EPHA4: variants seen among roughly 807,000 people sequenced by gnomAD.
The protein encoded by EPHA4 is ephrin type-A receptor 4.
A neutral mutation model predicts 108.3 loss-of-function variants in EPHA4; 19 were observed. The ratio of observed to expected loss-of-function variants is 0.18; its 90% confidence interval spans 0.12 to 0.26. EPHA4 has a LOEUF of 0.26. Ranked by LOEUF, EPHA4 falls within the 10% of genes least tolerant of loss-of-function variation. The pLI, the probability that EPHA4 is intolerant of heterozygous loss-of-function variation, is 1.00. For synonymous variants in EPHA4, 449 were observed against 455.5 expected, an observed-to-expected ratio of 0.99 and a Z score of 0.18; for missense variants, 917 against 1,254.0, an observed-to-expected ratio of 0.73 and a Z score of 4.06.
intron 5 of EPHA4, among the ~76,000 whole-genome samples, chr2:221,475,226 T>C (rs919620064): frequency 3.9e-5 from 6 of 152,142 alleles, no homozygotes; most frequent in African/African-American, 1.4e-4. Context: ...ACCTAGGCAA[T>C]AGTGTGAAGA....
chr2:221,502,301 A>G (rs1692510033), intron 3 of EPHA4, among the ~76,000 whole-genome samples: 1 of 152,162 alleles, frequency 6.6e-6, no homozygotes, highest in African/African-American at 2.4e-5. Context: ...CACAGAGACA[A>G]GGCCATTAAG....
intron 3 of EPHA4, among the ~76,000 whole-genome samples, chr2:221,527,009 C>T (rs1251469664): frequency 6.6e-6 from 1 of 151,072 alleles, no homozygotes; most frequent in African/African-American, 2.4e-5. Flanking sequence ...CACCTGTAGT[C>T]CCAGCTACTC....
intron 4 of EPHA4, among the ~76,000 whole-genome samples, chr2:221,486,203 T>A (rs1337706771): frequency 6.6e-6 from 1 of 152,194 alleles, no homozygotes; most frequent in African/African-American, 2.4e-5. Context: ...ACTGAGTACA[T>A]ACACCCATCG....
chr2:221,554,786 G>A (rs914351874), intron 3 of EPHA4, among the ~76,000 whole-genome samples: 2 of 152,152 alleles, frequency 1.3e-5, no homozygotes, highest in South Asian at 4.2e-4. Context: ...AATCCCAGTG[G>A]TGATTTGTAC....
rs758898289 is a variant in EPHA4 at position 221,563,784 on chromosome 2, A to G, written c.770T>C (p.Ile257Thr). Residue 257 changes from isoleucine (I) to threonine (T), a missense_variant, in exon 3 of 18, where the codon ATT (isoleucine) becomes ACT (threonine). Physicochemically the swap from Ile to Thr is moderately conservative, Grantham distance 89 (BLOSUM62 -1). This residue lies in a region of EPHA4 where 758 missense variants were observed against 1,076.7 expected (regional missense o/e 0.70). Transcript: ENST00000281821. ...CGADGEWLVP[I>T]GNCLCNAGHE... The stretch of plus-strand genomic sequence containing the variant: ...CCCAGCGTTGCATAGGCAGTTGCCA[A>G]TGGGTACCAGCCATTCACCATCTGC... 8 of 1,614,214 alleles carry G rather than the reference A, an allele frequency of 5.0e-6. No individual in the cohort carries two copies. The highest frequency in any genetic ancestry group is 1.7e-4 in the Middle Eastern group (1 of 6,060).
At chr2:221,496,629 C>T (rs539616482) in intron 4 of EPHA4, among the ~76,000 whole-genome samples, 4 of 152,234 alleles carry the variant, frequency 2.6e-5, no homozygotes, top group Admixed American at 2.0e-4. Context: ...TTCTGTTGGC[C>T]GGGTGTGGTG....
Position 221,483,500 on chromosome 2 carries a change from T to TTGTGTG in EPHA4, c.980-816_980-811dup, listed in dbSNP as rs58143142. 8.1e-3 allele frequency among the ~76,000 whole-genome samples: 1,164 copies of TTGTGTG among 143,782 alleles called. 13 individuals are homozygous for TTGTGTG. Among genetic ancestry groups the TTGTGTG allele is most frequent in the African/African-American group, 0.027 (1,049 of 38,688 alleles). 94.3% of individuals were successfully genotyped at this position (143,782 alleles called of 152,430 possible). The stretch of plus-strand genomic sequence containing the variant: ...GAAACTCTTGTTTCTTGATGTAGAT[T>TTGTGTG]TGTGTGTGTGTGTGTGTGTGTGTGT... On this transcript the variant is annotated intron_variant, in intron 4 of 17. Coordinates refer to ENST00000281821, the MANE Select transcript of EPHA4 (RefSeq NM_004438.5).
intron 4 of EPHA4, among the ~76,000 whole-genome samples, chr2:221,492,339 GA>G (rs760375386): frequency 2.6e-5 from 4 of 151,690 alleles, no homozygotes; most frequent in South Asian, 2.1e-4. Flanking sequence ...AGTATGTGGG[GA>G]AAAAAAAGAG....
intron 1 of EPHA4, 150 bp from the exon 2 acceptor site, chr2:221,568,935 T>A (rs1694749274): frequency 1.9e-6 from 1 of 532,136 alleles, no homozygotes; most frequent in Non-Finnish European, 3.3e-6. Flanking sequence ...ATGTAAATAA[T>A]CATTACTCAT....
intron 4 of EPHA4, among the ~76,000 whole-genome samples, chr2:221,493,016 G>A (rs2106150598): frequency 6.6e-6 from 1 of 152,276 alleles, no homozygotes; most frequent in East Asian, 1.9e-4. Context: ...TTGCATGAAT[G>A]ATAAAATGGC....
intron 3 of EPHA4, among the ~76,000 whole-genome samples, chr2:221,517,772 C>A (rs1693032891): frequency 6.6e-6 from 1 of 152,194 alleles, no homozygotes; most frequent in Admixed American, 6.5e-5. Flanking sequence ...CACTTCCCAG[C>A]TCAAGAATGC....
intron 11 of EPHA4, among the ~76,000 whole-genome samples, chr2:221,439,491 C>CT (rs1175226553): frequency 2.2e-3 from 314 of 143,726 alleles, no homozygotes; most frequent in Middle Eastern, 7.2e-3. Context: ...CTTTTCTTTT[C>CT]TTTTTTTTTT....
intron 3 of EPHA4, among the ~76,000 whole-genome samples, chr2:221,519,406 A>G (rs1025835025): frequency 2.0e-4 from 30 of 152,184 alleles, no homozygotes; most frequent in African/African-American, 6.8e-4. Context: ...ATTCCTCCCA[A>G]AGCTCTGTGG....
intron 3 of EPHA4, among the ~76,000 whole-genome samples, chr2:221,505,215 C>T (rs1212660542): frequency 6.6e-6 from 1 of 151,970 alleles, no homozygotes; most frequent in Non-Finnish European, 1.5e-5. Context: ...ACTTAGTATC[C>T]CAAAAGTAAA....
chr2:221,449,522 C>T (rs754279747), intron 8 of EPHA4, among the ~76,000 whole-genome samples: 4 of 152,130 alleles, frequency 2.6e-5, no homozygotes, highest in Non-Finnish European at 5.9e-5. Flanking sequence ...CCCTTTCAGC[C>T]GCAGGAGTTG....
chr2:221,573,589 G>C (rs901906644), upstream of EPHA4: 3 of 152,228 alleles, frequency 2.0e-5, no homozygotes, highest in Non-Finnish European at 4.4e-5. The surrounding 1 kb of genome is among the most constrained non-coding windows in gnomAD (Gnocchi z 4.5). Context: ...CTCCAGAGCA[G>C]GGCCGAGTTT....
chr2:221,455,700 T>C, intron 7 of EPHA4, 42 bp from the exon 8 acceptor site: 1 of 1,493,484 alleles, frequency 6.7e-7, no homozygotes. Context: ...TGGGAAAGTC[T>C]TAGGAGGTAG....
At chr2:221,464,540 C>G (rs1162835790) in intron 5 of EPHA4, among the ~76,000 whole-genome samples, 1 of 152,194 alleles carries the variant, frequency 6.6e-6, no homozygotes, top group Non-Finnish European at 1.5e-5. Context: ...TAGGCAATAC[C>G]TATGGCATCA....
chr2:221,505,785 G>A (rs1351108547), intron 3 of EPHA4, among the ~76,000 whole-genome samples: 1 of 152,218 alleles, frequency 6.6e-6, no homozygotes, highest in African/African-American at 2.4e-5. Context: ...GCAGGGTGCT[G>A]AAAGTGAAGG....
Sources: allele counts gnomAD v4.1 joint callset (sites outside exome capture counted in the v4.1 genomes callset), GRCh38; gene constraint gnomAD v4.1.1; regional missense constraint gnomAD v4.1.1; non-coding constraint Gnocchi (gnomAD v3.1); transcripts MANE v1.5; gene names NCBI Gene and HGNC (gene_info 2026-07-23, HGNC 2026-07-21).